ZFHX3: variants seen among roughly 807,000 people sequenced by gnomAD.
The protein encoded by ZFHX3 is zinc finger homeobox protein 3.
A neutral mutation model predicts 279.1 loss-of-function variants in ZFHX3; 42 were observed. The ratio of observed to expected loss-of-function variants is 0.15; its 90% confidence interval spans 0.12 to 0.19. The LOEUF (loss-of-function observed/expected upper bound fraction) is 0.19, where lower values mean the gene tolerates loss of function less well. Among genes scored for constraint, ZFHX3 ranks in the 10% least tolerant of loss-of-function variants. The probability of loss-of-function intolerance (pLI) is 1.00; values close to 1 mark genes in which losing one functional copy is unlikely to be tolerated. For missense variants in ZFHX3, 4,981 were observed against 4,754.0 expected (o/e 1.05, Z -1.40); for synonymous variants, 2,293 against 1,957.8 (o/e 1.17, Z -4.52).
chr16:73,096,466 G>A (rs537701050), intron 7 of ZFHX3, among the ~76,000 whole-genome samples: 11 of 151,262 alleles, frequency 7.3e-5, no homozygotes, highest in East Asian at 3.9e-4. Flanking sequence ...GCAGTGATGC[G>A]ATCTCAGCTC....
intron 8 of ZFHX3, among the ~76,000 whole-genome samples, chr16:73,088,037 A>G (rs934762806): frequency 2.0e-5 from 3 of 152,110 alleles, no homozygotes; most frequent in Non-Finnish European, 2.9e-5. Flanking sequence ...CATGTTGGCC[A>G]GGCTGGTCTC....
At position 72,787,164 on chromosome 16, in the gene ZFHX3, T is replaced by C; in HGVS notation, c.11112A>G (p.Ter3704=). 6.6e-7 allele frequency: 1 copy of C among 1,518,528 alleles called. No individual in the cohort carries two copies. Among genetic ancestry groups the C allele is most frequent in the East Asian group, 2.3e-5 (1 of 42,784 alleles). The allele number at this position is 1,518,528 out of a possible 1,614,324, so 94.1% of individuals were successfully genotyped here. Residue 3704 remains the stop codon, a stop_retained_variant, in exon 10 of 10, where the codon TAA becomes TAG. Transcript: ENST00000268489. Reference sequence around the variant, plus strand: ...TGTTTGTATTGTTCATCTTCAAAGCTTACAATCTGAAGGTGTCCGTTCCTA... The same window carrying C: ...TGTTTGTATTGTTCATCTTCAAAGCCTACAATCTGAAGGTGTCCGTTCCTA... ...TSVGTDTFRL[*] is the part of the protein sequence containing the mutation.
intron 4 of ZFHX3, among the ~76,000 whole-genome samples, chr16:73,280,671 G>A (rs1331304233): frequency 3.3e-5 from 5 of 152,016 alleles, no homozygotes; most frequent in African/African-American, 1.2e-4. Context: ...AATTGGTACA[G>A]CCATTATAGA....
chr16:73,719,600 A>C (rs936875868), intron 1 of ZFHX3, among the ~76,000 whole-genome samples: 1 of 152,018 alleles, frequency 6.6e-6, no homozygotes, highest in Non-Finnish European at 1.5e-5. Context: ...CAGGCAATAC[A>C]GTGTTAAGGG....
In ZFHX3 at chr16:72,783,786, A is replaced by G. The variant is rs1231376021; in HGVS notation, c.*3378T>C. On this transcript the variant is annotated 3_prime_UTR_variant, in exon 10 of 10. Transcript: ENST00000268489. ...ACTAATTTAAAAAGCAAGTGGAAAT[A>G]TATCCTACCCAGCTACCTACAATGC... 6.6e-6 allele frequency: 1 copy of G among 152,210 alleles called. No individual in the cohort carries two copies. The highest frequency in any genetic ancestry group is 3.2e-3 in the Middle Eastern group (1 of 316). The allele number at this position is 152,210 out of a possible 1,614,324, so 9.4% of individuals were successfully genotyped here.
At chr16:73,545,942 G>C (rs955963173) in intron 2 of ZFHX3, among the ~76,000 whole-genome samples, 5 of 152,128 alleles carry the variant, frequency 3.3e-5, no homozygotes, top group Admixed American at 6.5e-5. Flanking sequence ...GCACAGCTCA[G>C]CCTAAACAAT....
At chr16:73,359,396 G>A (rs747632380) in intron 3 of ZFHX3, among the ~76,000 whole-genome samples, 1 of 152,278 alleles carries the variant, frequency 6.6e-6, no homozygotes, top group South Asian at 2.1e-4. Flanking sequence ...GGGGGAAAAT[G>A]ACATCAATTA....
chr16:73,456,008 A>G (rs1223777910), exon 3 of ZFHX3: 1 of 152,110 alleles, frequency 6.6e-6, no homozygotes, highest in African/African-American at 2.4e-5. Flanking sequence ...CTTACCTGGG[A>G]AGAACTGTGA....
intron 5 of ZFHX3, among the ~76,000 whole-genome samples, chr16:72,827,860 A>G (rs1050841648): frequency 6.6e-6 from 1 of 152,128 alleles, no homozygotes; most frequent in African/African-American, 2.4e-5. Context: ...AGTAGAATCC[A>G]CCTGGTGTGC....
chr16:73,325,843 TATACA>T (rs949190898), intron 3 of ZFHX3, among the ~76,000 whole-genome samples: 2 of 151,902 alleles, frequency 1.3e-5, no homozygotes, highest in Non-Finnish European at 2.9e-5. Context: ...AGGAGCAGCA[TATACA>T]GAAATGCATG....
At chr16:72,967,920 C>T (rs6499602) in intron 1 of ZFHX3, among the ~76,000 whole-genome samples, 131,784 of 145,392 alleles carry the variant, frequency 0.91, 59,916 homozygotes, top group Admixed American at 0.93. Context: ...AGAGAGAGAC[C>T]CCATCTAAAA....
rs1567394031 is a variant in ZFHX3 at position 73,738,094 on chromosome 16, G to A, written c.-1607-57854C>T. On this transcript the variant is annotated intron_variant, in intron 1 of 17. Coordinates refer to the ZFHX3 transcript ENST00000641206. ...TCAAAAGTGGGGCAAAAATAATTAAGCATCTATGGAACTTTCTTAAAGAAG... is the reference window on the plus strand; with the variant it reads ...TCAAAAGTGGGGCAAAAATAATTAAACATCTATGGAACTTTCTTAAAGAAG... Among the ~76,000 whole-genome samples, 4 of 152,188 alleles carry A rather than the reference G, an allele frequency of 2.6e-5. No homozygotes were observed. The South Asian group carries it at 8.3e-4, about 32-fold the overall frequency.
At chr16:72,916,307 A>C (rs1241607485) in intron 3 of ZFHX3, among the ~76,000 whole-genome samples, 2 of 152,206 alleles carry the variant, frequency 1.3e-5, no homozygotes, top group Non-Finnish European at 2.9e-5. Context: ...GCTTGTGAAC[A>C]ATCTGGAATG....
chr16:72,865,209 C>A (rs569688129), intron 4 of ZFHX3, among the ~76,000 whole-genome samples: 1 of 152,218 alleles, frequency 6.6e-6, no homozygotes, highest in Non-Finnish European at 1.5e-5. Context: ...TTATGGATGA[C>A]TTCCATGTGC....
chr16:73,640,439 T>A (rs2052563567), intron 2 of ZFHX3, among the ~76,000 whole-genome samples: 1 of 151,732 alleles, frequency 6.6e-6, no homozygotes. Context: ...AAGAAAGAAC[T>A]CAGTCAAAAA....
At chr16:72,799,990 G>A in intron 8 of ZFHX3, 37 bp downstream of exon 8, 5 of 1,587,776 alleles carry the variant, frequency 3.1e-6, no homozygotes, top group Non-Finnish European at 4.3e-6. Flanking sequence ...ATTCCATCTT[G>A]TTTCAATTTC....
intron 3 of ZFHX3, among the ~76,000 whole-genome samples, chr16:73,334,808 T>TCC: frequency 9.3e-6 from 1 of 107,584 alleles, no homozygotes; most frequent in Non-Finnish European, 1.8e-5. Flanking sequence ...TTCTTTCTCA[T>TCC]TCTTTTTTTT....
intron 8 of ZFHX3, among the ~76,000 whole-genome samples, chr16:73,081,819 A>G (rs1273502773): frequency 6.7e-6 from 1 of 150,220 alleles, no homozygotes; most frequent in African/African-American, 2.5e-5. Context: ...GTAATTATAA[A>G]TGTTCTTGTC....
intron 6 of ZFHX3, among the ~76,000 whole-genome samples, chr16:73,140,217 T>G (rs1167521471): frequency 3.3e-5 from 5 of 151,802 alleles, no homozygotes; most frequent in African/African-American, 9.7e-5. Flanking sequence ...GCTATGATCA[T>G]GTCACTACAC....
Sources: gnomAD v4.1 joint callset for allele counts (sites outside exome capture counted in the v4.1 genomes callset) on GRCh38, gnomAD v4.1.1 for gene constraint, MANE v1.5 for transcripts, NCBI Gene and HGNC (gene_info 2026-07-23, HGNC 2026-07-21) for gene names.